Variants in MCTP1 observed in about 807,000 individuals in gnomAD.
The protein encoded by MCTP1 is multiple C2 and transmembrane domain-containing protein 1.
Under a neutral mutation model 120.6 loss-of-function variants are expected in MCTP1, and 69 were observed. That is an observed-to-expected ratio of 0.57 (90% confidence interval 0.47 to 0.70). MCTP1 has a LOEUF of 0.70. MCTP1 is among the 30% of genes least tolerant of loss of function. The probability of loss-of-function intolerance (pLI) is 0.00; values close to 1 mark genes in which losing one functional copy is unlikely to be tolerated. For missense variants in MCTP1, 1,203 were observed against 1,248.8 expected (o/e 0.96, Z 0.55); for synonymous variants, 529 against 493.1 (o/e 1.07, Z -0.96).
At chr5:94,839,593 C>A (rs1269629490) in intron 17 of MCTP1, among the ~76,000 whole-genome samples, 3 of 152,108 alleles carry the variant, frequency 2.0e-5, no homozygotes, top group African/African-American at 7.2e-5. Flanking sequence ...ATATAAAAGA[C>A]TTCAAAAATA....
At chr5:95,001,884 T>C (rs1383678103) in intron 2 of MCTP1, among the ~76,000 whole-genome samples, 2 of 152,174 alleles carry the variant, frequency 1.3e-5, no homozygotes, top group Non-Finnish European at 2.9e-5. Flanking sequence ...CGACAGGGCA[T>C]GTCAAAAACC....
chr5:95,143,124 T>C (rs534405360), intron 1 of MCTP1, among the ~76,000 whole-genome samples: 5 of 152,246 alleles, frequency 3.3e-5, no homozygotes, highest in African/African-American at 1.2e-4. Context: ...CATTCCTCCT[T>C]CCACAGGACA....
rs1302528156 is a variant in MCTP1 at position 94,706,432 on chromosome 5, T to TAATC, written c.*1060_*1063dup. The TAATC allele has an allele frequency of 6.8e-6, 1 of 146,324 alleles. No individual in the cohort carries two copies. Among genetic ancestry groups the TAATC allele is most frequent in the East Asian group, 2.1e-4 (1 of 4,710 alleles). The allele number at this position is 146,324 out of a possible 1,614,324, so 9.1% of individuals were successfully genotyped here. A position where few individuals can be genotyped will look rare whatever the true frequency, so the allele number is the denominator to read the frequency against. ...ATTTTACAAAACAGGTTTTCATGCA[T>TAATC]AATCAAGAATGATTTTTTTTAATAA... On this transcript the variant is annotated 3_prime_UTR_variant, in exon 23 of 23. Coordinates refer to ENST00000515393, the MANE Select transcript of MCTP1 (RefSeq NM_024717.7).
At chr5:95,207,180 C>A (rs889444337) in intron 1 of MCTP1, among the ~76,000 whole-genome samples, 5 of 151,952 alleles carry the variant, frequency 3.3e-5, no homozygotes, top group African/African-American at 1.2e-4. Context: ...TTATCTAGTC[C>A]AGTGAAATGA....
intron 2 of MCTP1, among the ~76,000 whole-genome samples, chr5:94,991,512 T>G (rs1400143055): frequency 2.0e-5 from 3 of 152,210 alleles, no homozygotes; most frequent in Non-Finnish European, 4.4e-5. Context: ...TGTTTGGAAT[T>G]TTATTTCAGT....
At chr5:94,985,031 A>T (rs771007858) in intron 2 of MCTP1, among the ~76,000 whole-genome samples, 1 of 152,188 alleles carries the variant, frequency 6.6e-6, no homozygotes. Flanking sequence ...ATGTGTGATA[A>T]AACTAATTAA....
intron 17 of MCTP1, among the ~76,000 whole-genome samples, chr5:94,842,948 A>G (rs1251925534): frequency 8.6e-5 from 13 of 151,312 alleles, no homozygotes; most frequent in Admixed American, 8.6e-4. Flanking sequence ...TTTGGATGTG[A>G]AAACTCTCTT....
intron 10 of MCTP1, among the ~76,000 whole-genome samples, chr5:94,907,160 C>A (rs368275265): frequency 6.6e-6 from 1 of 152,136 alleles, no homozygotes; most frequent in Admixed American, 6.5e-5. Context: ...CGGCAAGATG[C>A]TTTTAAAGAG....
intron 17 of MCTP1, among the ~76,000 whole-genome samples, chr5:94,850,295 A>C (rs1793400371): frequency 6.6e-6 from 1 of 152,182 alleles, no homozygotes; most frequent in Admixed American, 6.5e-5. Flanking sequence ...TTTAAGGCCC[A>C]AAAACTGCAT....
intron 1 of MCTP1, among the ~76,000 whole-genome samples, chr5:95,283,041 A>T (rs1438873333): frequency 6.6e-6 from 1 of 152,236 alleles, no homozygotes; most frequent in African/African-American, 2.4e-5. Flanking sequence ...AATTAAAATG[A>T]TTTGATAAAC....
chr5:94,826,568 CA>C (rs1329852420), intron 17 of MCTP1: 3 of 735,798 alleles, frequency 4.1e-6, no homozygotes, highest in Non-Finnish European at 7.4e-6. Flanking sequence ...CCTTCCCTTT[CA>C]AAGCATCTTT....
chr5:94,776,616 C>T (rs746748916), intron 19 of MCTP1, among the ~76,000 whole-genome samples: 14 of 152,040 alleles, frequency 9.2e-5, no homozygotes, highest in Non-Finnish European at 1.3e-4. Context: ...TTACTTTTAT[C>T]CTATAAGAGG....
At chr5:94,713,625 AGAGAT>A (rs1322101880) in intron 20 of MCTP1, among the ~76,000 whole-genome samples, 1 of 152,176 alleles carries the variant, frequency 6.6e-6, no homozygotes, top group Middle Eastern at 3.2e-3. Context: ...AAACATTCTT[AGAGAT>A]GAGAGGAAGA....
intron 1 of MCTP1, among the ~76,000 whole-genome samples, chr5:95,256,049 C>T (rs1316189427): frequency 6.6e-6 from 1 of 152,146 alleles, no homozygotes; most frequent in Non-Finnish European, 1.5e-5. Context: ...AAAATCCACA[C>T]CAAGTTCTGC....
intron 3 of MCTP1, among the ~76,000 whole-genome samples, chr5:94,950,061 G>T (rs1224262693): frequency 6.6e-6 from 1 of 151,574 alleles, no homozygotes; most frequent in African/African-American, 2.4e-5. Flanking sequence ...TTCAAAAAAA[G>T]CCCTAGGCAT....
Position 95,284,131 on chromosome 5 carries a change from C to A in MCTP1, c.445G>T (p.Gly149Cys). 2 of 1,552,920 alleles carry A rather than the reference C, an allele frequency of 1.3e-6. No individual in the cohort carries two copies. The highest frequency in any genetic ancestry group is 8.7e-7 in the Non-Finnish European group (1 of 1,148,548). Reference protein sequence around the residue: ...ASGAAGGTPPGGRSPDSAPSS... With the variant: ...ASGAAGGTPPCGRSPDSAPSS... ...GGAGCTGAGTCGGGGGAGCGTCCGCCAGGAGGCGTCCCTCCCGCTGCTCCC... is the reference window on the plus strand; with the variant it reads ...GGAGCTGAGTCGGGGGAGCGTCCGCAAGGAGGCGTCCCTCCCGCTGCTCCC... The change falls in exon 1 of 23, where the codon GGC (glycine) becomes TGC (cysteine). Residue 149 changes from glycine (G) to cysteine (C), a missense_variant. Physicochemically the swap from Gly to Cys is radical, Grantham distance 159 (BLOSUM62 -3). Transcript: ENST00000515393. This position sits in a 1 kb window ranked among gnomAD's most constrained non-coding sequence, Gnocchi z 5.2.
At chr5:94,776,194 A>G (rs1775277295) in intron 19 of MCTP1, among the ~76,000 whole-genome samples, 1 of 152,048 alleles carries the variant, frequency 6.6e-6, no homozygotes, top group Non-Finnish European at 1.5e-5. Context: ...ATGCAGAGGG[A>G]AAACACCCTA....
chr5:94,786,343 G>A (rs1333516180), intron 18 of MCTP1, among the ~76,000 whole-genome samples: 6 of 152,046 alleles, frequency 3.9e-5, no homozygotes, highest in Non-Finnish European at 8.8e-5. Context: ...CATGTTTTGT[G>A]TGTCAAAAAA....
At chr5:95,145,453 G>A (rs116339158) in intron 1 of MCTP1, among the ~76,000 whole-genome samples, 79 of 152,186 alleles carry the variant, frequency 5.2e-4, no homozygotes, top group Non-Finnish European at 1.0e-3. Flanking sequence ...GGTGAAAGTG[G>A]GCATCCTTAT....
Sources: gnomAD v4.1 joint callset for allele counts (sites outside exome capture counted in the v4.1 genomes callset) on GRCh38, gnomAD v4.1.1 for gene constraint, Gnocchi (gnomAD v3.1) non-coding constraint, MANE v1.5 for transcripts, NCBI Gene and HGNC (gene_info 2026-07-23, HGNC 2026-07-21) for gene names.